The following NELL1 variants were observed in gnomAD, a reference collection of about 807,000 sequenced individuals.
The protein encoded by NELL1 is protein kinase C-binding protein NELL1.
Under a neutral mutation model 107.4 loss-of-function variants are expected in NELL1, and 76 were observed. The observed-to-expected ratio is 0.71, with a 90% CI of 0.59 to 0.86. The LOEUF is 0.86. Among genes scored for constraint, NELL1 ranks in the 40% least tolerant of loss-of-function variants. The pLI is 0.00. For missense variants in NELL1, 1,024 were observed against 1,005.5 expected (o/e 1.02, Z -0.25); for synonymous variants, 353 against 341.2 (o/e 1.03, Z -0.38).
intron 10 of NELL1, among the ~76,000 whole-genome samples, chr11:20,940,768 G>T (rs563680935): frequency 3.0e-4 from 45 of 152,358 alleles, no homozygotes; most frequent in African/African-American, 1.0e-3. Context: ...CAGGAGGCAT[G>T]ATTCATTAGG....
chr11:21,517,449 T>C (rs1001995444), intron 15 of NELL1, among the ~76,000 whole-genome samples: 1 of 152,198 alleles, frequency 6.6e-6, no homozygotes, highest in African/African-American at 2.4e-5. Flanking sequence ...ACATAATAGC[T>C]GTTCCCCTTG....
intron 13 of NELL1, among the ~76,000 whole-genome samples, chr11:21,172,541 A>G (rs574603296): frequency 6.6e-6 from 1 of 151,812 alleles, no homozygotes; most frequent in Admixed American, 6.6e-5. Flanking sequence ...TATTCCAGGT[A>G]TTATCCCCAA....
intron 14 of NELL1, among the ~76,000 whole-genome samples, chr11:21,266,397 G>C (rs954787102): frequency 2.0e-5 from 3 of 151,954 alleles, no homozygotes; most frequent in African/African-American, 7.2e-5. Context: ...CCTTGCACAG[G>C]CTACAGAGGT....
At chr11:20,739,550 A>G (rs548946812) in intron 2 of NELL1, among the ~76,000 whole-genome samples, 28 of 152,310 alleles carry the variant, frequency 1.8e-4, no homozygotes, top group African/African-American at 6.0e-4. Context: ...GTGGCATGGT[A>G]AAAGCACTTC....
rs189547208 is a variant in NELL1 at position 21,022,379 on chromosome 11, G to A, written c.1300+61819G>A. Among the ~76,000 whole-genome samples the A allele has an allele frequency of 3.6e-4, 55 of 152,114 alleles. 1 individual carries two copies. Among genetic ancestry groups the A allele is most frequent in the Admixed American group, 3.1e-3 (47 of 15,258 alleles). ...TAAATTGTATAGGTACTCTAGTTTT[G>A]GGGGAGATGCTCAAAACTTTGTAAT... On this transcript the variant is annotated intron_variant, in intron 12 of 19. Transcript: ENST00000357134.
intron 15 of NELL1, chr11:21,504,344 C>T (rs2133936140): frequency 6.6e-6 from 1 of 152,274 alleles, no homozygotes; most frequent in South Asian, 2.1e-4. Flanking sequence ...CACATTAGCA[C>T]CATGCAGAGA....
intron 14 of NELL1, among the ~76,000 whole-genome samples, chr11:21,337,827 T>TTGCTTG (rs1565175539): frequency 1.8e-4 from 19 of 105,504 alleles, no homozygotes; most frequent in South Asian, 7.0e-4. Flanking sequence ...CTTCTTTCTT[T>TTGCTTG]CTTTCTTTCT....
chr11:21,039,102 G>A (rs893333611), intron 12 of NELL1, among the ~76,000 whole-genome samples: 3 of 152,132 alleles, frequency 2.0e-5, no homozygotes, highest in Non-Finnish European at 4.4e-5. Context: ...ATAAATGTAA[G>A]GTCAGAGGTG....
At position 20,715,087 on chromosome 11, in the gene NELL1, A is replaced by C. The variant is rs1715270; in HGVS notation, c.184+37027A>C. Among the ~76,000 whole-genome samples the C allele has an allele frequency of 7.0e-3, 1,056 of 150,846 alleles. 10 individuals are homozygous for C. The highest frequency in any genetic ancestry group is 0.018 in the Admixed American group (266 of 15,126). ...TGAAACCCCGTCTCTACTAAAAATA[A>C]AAAAAAAATTAGCTGGGCGTGGTGG... On this transcript the variant is annotated intron_variant, in intron 2 of 19. Coordinates refer to ENST00000357134, the MANE Select transcript of NELL1 (RefSeq NM_006157.5).
In NELL1 at chr11:20,865,826, C is replaced by A. The variant is rs79786820; in HGVS notation, c.506+18073C>A. On this transcript the variant is annotated intron_variant, in intron 4 of 19. Transcript: ENST00000357134. Reference sequence around the variant, plus strand: ...TTGCCTGTACTTCTGTAAACAATGCCGTTTAATCTATTATTCTCTTTGCAA... The same window carrying A: ...TTGCCTGTACTTCTGTAAACAATGCAGTTTAATCTATTATTCTCTTTGCAA... Among the ~76,000 whole-genome samples the A allele has an allele frequency of 3.9e-5, 6 of 152,172 alleles. No homozygotes were observed. In the East Asian group the frequency reaches 1.2e-3, roughly 29 times the overall value.
chr11:20,915,570 G>T (rs1418812011), intron 5 of NELL1, among the ~76,000 whole-genome samples: 2 of 150,946 alleles, frequency 1.3e-5, no homozygotes, highest in Non-Finnish European at 3.0e-5. Context: ...GCATTTTTCA[G>T]TTAAATGTAG....
chr11:20,843,477 G>C (rs1848652426), intron 3 of NELL1, among the ~76,000 whole-genome samples: 1 of 114,252 alleles, frequency 8.8e-6, no homozygotes, highest in South Asian at 2.4e-4. Flanking sequence ...AACTTTTACT[G>C]TTTTCACTCT....
chr11:20,710,567 T>C (rs1374755868), intron 2 of NELL1, among the ~76,000 whole-genome samples: 1 of 152,142 alleles, frequency 6.6e-6, no homozygotes, highest in East Asian at 1.9e-4. Context: ...CACAGAATGA[T>C]TTAGGGAGAA....
intron 2 of NELL1, among the ~76,000 whole-genome samples, chr11:20,762,773 T>C (rs1253798469): frequency 6.7e-6 from 1 of 148,620 alleles, no homozygotes; most frequent in Non-Finnish European, 1.5e-5. Context: ...AATATTGCTT[T>C]CCTGTTTTTT....
chr11:21,377,864 C>T (rs983725302), intron 15 of NELL1, among the ~76,000 whole-genome samples: 1 of 151,956 alleles, frequency 6.6e-6, no homozygotes, highest in Non-Finnish European at 1.5e-5. Flanking sequence ...TTTTGTATTT[C>T]TGTGGGATCT....
intron 4 of NELL1, among the ~76,000 whole-genome samples, chr11:20,867,306 T>C (rs1849113527): frequency 6.6e-6 from 1 of 152,048 alleles, no homozygotes; most frequent in South Asian, 2.1e-4. Flanking sequence ...AAAAAAAAGA[T>C]GATGATTGAC....
intron 3 of NELL1, among the ~76,000 whole-genome samples, chr11:20,795,224 A>G (rs1405938086): frequency 6.6e-6 from 1 of 152,208 alleles, no homozygotes; most frequent in South Asian, 2.1e-4. Flanking sequence ...GAAACTCCCT[A>G]GGTAACTGAG....
At chr11:20,746,195 G>A (rs1374632443) in intron 2 of NELL1, among the ~76,000 whole-genome samples, 1 of 152,110 alleles carries the variant, frequency 6.6e-6, no homozygotes, top group African/African-American at 2.4e-5. Flanking sequence ...AGTGTCTGTT[G>A]GCAGAGGGAG....
rs562560505 is a variant in NELL1, at chr11:21,363,315, C to T, written c.1550-7538C>T. Among the ~76,000 whole-genome samples, 8 of 152,276 alleles carry T rather than the reference C, an allele frequency of 5.3e-5. No homozygotes were observed. In the East Asian group the frequency reaches 5.8e-4, roughly 11 times the overall value. On this transcript the variant is annotated intron_variant, in intron 14 of 19. Transcript: ENST00000357134. Reference sequence around the variant, plus strand: ...GCTACTTGTACTTTCAAATTTCTTGCGACTCCCTAAACCCATTTCATCTCT... The same window carrying T: ...GCTACTTGTACTTTCAAATTTCTTGTGACTCCCTAAACCCATTTCATCTCT...
Sources: allele counts gnomAD v4.1 joint callset (sites outside exome capture counted in the v4.1 genomes callset), GRCh38; gene constraint gnomAD v4.1.1; transcripts MANE v1.5; gene names NCBI Gene and HGNC (gene_info 2026-07-23, HGNC 2026-07-21).